CYLC2: variants seen among roughly 807,000 people sequenced by gnomAD.
CYLC2 encodes cylicin-2.
Under a neutral mutation model 26.1 loss-of-function variants are expected in CYLC2, and 30 were observed. That is an observed-to-expected ratio of 1.15 (90% CI 0.86 to 1.56). The LOEUF is 1.56. Ranked by LOEUF, CYLC2 falls within the 40% of genes most tolerant of loss-of-function variation. CYLC2 has a pLI of 0.00. For synonymous variants in CYLC2, 158 were observed against 132.8 expected (o/e 1.19, Z -1.31); for missense variants, 498 against 394.4 (o/e 1.26, Z -2.23).
intron 1 of CYLC2, among the ~76,000 whole-genome samples, chr9:102,997,033 C>T (rs917881680): frequency 3.3e-5 from 5 of 151,680 alleles, no homozygotes; most frequent in African/African-American, 9.7e-5. Context: ...TTCCCAATCT[C>T]GTATCTAATG....
At chr9:103,014,524 T>TGCCATATACATCATATGTATATTAC (rs1829468338) in intron 6 of CYLC2, among the ~76,000 whole-genome samples, 1 of 114,310 alleles carries the variant, frequency 8.7e-6, no homozygotes, top group Non-Finnish European at 1.8e-5. Flanking sequence ...ACATAATATA[T>TGCCATATACATCATATGTATATTAC]GCAATATACA....
Position 103,014,566 on chromosome 9 carries a change from G to A in CYLC2, c.*817-2322G>A, listed in dbSNP as rs1182734891. Among the ~76,000 whole-genome samples, 4 of 140,898 alleles carry A rather than the reference G, an allele frequency of 2.8e-5. 1 individual carries two copies. In the East Asian group the frequency reaches 7.0e-4, roughly 25 times the overall value. The allele number at this position is 140,898 out of a possible 152,430, so 92.4% of individuals were successfully genotyped here. The stretch of plus-strand genomic sequence containing the variant: ...GTATATTATGCAGTATACATCATAT[G>A]TATATTATGCAGTATACATCATATG... On this transcript the variant is annotated intron_variant, in intron 6 of 7. Transcript: ENST00000374798.
chr9:102,995,473 T>A (rs1237776633), intron 1 of CYLC2, 76 bp downstream of exon 1: 1 of 1,086,072 alleles, frequency 9.2e-7, no homozygotes. Flanking sequence ...TATGAAGAGA[T>A]ATTTATTATA....
rs1829330019 is a variant in CYLC2, at chr9:103,005,234, C to T, written c.603C>T (p.Asp201=). ...AAAAGGATTCAAACAAAGGCAAAGA[C>T]TCGGCAACAGAATCTGAAGGTGAAA... ...KDKKDSNKGK[D]SATESEGEKG... Residue 201 remains aspartate, a synonymous_variant, in exon 5 of 8, where the codon GAC becomes GAT. Coordinates refer to ENST00000374798, the MANE Select transcript of CYLC2 (RefSeq NM_001340.5). 6.2e-7 allele frequency: 1 copy of T among 1,612,074 alleles called. No homozygotes were observed. The highest frequency in any genetic ancestry group is 8.5e-7 in the Non-Finnish European group (1 of 1,179,588).
chr9:103,003,048 T>C, intron 2 of CYLC2, 94 bp from the exon 3 acceptor site: 2 of 1,347,206 alleles, frequency 1.5e-6, no homozygotes, highest in Non-Finnish European at 1.0e-6. Context: ...CACTTGTTTA[T>C]TCATTTACAT....
At chr9:102,995,873 T>C (rs1829232257) in intron 1 of CYLC2, among the ~76,000 whole-genome samples, 1 of 151,844 alleles carries the variant, frequency 6.6e-6, no homozygotes, top group African/African-American at 2.4e-5. Context: ...TGAATACTAG[T>C]GGTATCCCTC....
rs114981296 is a variant in CYLC2 at position 103,017,289 on chromosome 9, A to C, written c.*890+328A>C. On this transcript the variant is annotated intron_variant, in intron 7 of 7. Transcript: ENST00000374798. ...ACCCAACTTTCCCTAAATTCAAAAAATATTACAAAGTTGGAAAATATTAAA... is the reference window on the plus strand; with the variant it reads ...ACCCAACTTTCCCTAAATTCAAAAACTATTACAAAGTTGGAAAATATTAAA... Among the ~76,000 whole-genome samples the C allele has an allele frequency of 6.8e-3, 1,041 of 152,132 alleles. 12 individuals carry two copies. Among genetic ancestry groups the C allele is most frequent in the African/African-American group, 0.024 (983 of 41,548 alleles).
intron 1 of CYLC2, among the ~76,000 whole-genome samples, chr9:102,995,826 G>A (rs1401055247): frequency 1.3e-5 from 2 of 151,858 alleles, no homozygotes; most frequent in Non-Finnish European, 2.9e-5. Flanking sequence ...TTAACCTTTA[G>A]TAAAAAGTGG....
Position 103,005,429 on chromosome 9 carries a change from G to A in CYLC2, c.798G>A (p.Glu266=). 1 of 1,613,392 alleles carries A rather than the reference G, an allele frequency of 6.2e-7. No homozygotes were observed. Among genetic ancestry groups the A allele is most frequent in the Non-Finnish European group, 8.5e-7 (1 of 1,179,834 alleles). ...ESKDAKKDAK[E]IKKGKKDKKK... ...AGGATGCCAAGAAAGATGCAAAGGA[G>A]ATTAAAAAAGGTAAGAAAGATAAGA... The change falls in exon 5 of 8, where the codon GAG becomes GAA. Residue 266 remains glutamate (E), a synonymous_variant. Coordinates refer to ENST00000374798, the MANE Select transcript of CYLC2 (RefSeq NM_001340.5).
intron 7 of CYLC2, among the ~76,000 whole-genome samples, chr9:103,018,079 G>A (rs1215316623): frequency 1.3e-5 from 2 of 152,006 alleles, no homozygotes; most frequent in African/African-American, 4.8e-5. Flanking sequence ...GAAGGTATAT[G>A]AGATCAGTTT....
intron 6 of CYLC2, among the ~76,000 whole-genome samples, chr9:103,014,908 TA>T (rs1829479070): frequency 7.2e-6 from 1 of 139,306 alleles, no homozygotes; most frequent in South Asian, 2.4e-4. Context: ...ATAATATATG[TA>T]ATATACATAA....
At chr9:103,007,555 ACT>A (rs1829364747) in intron 5 of CYLC2, among the ~76,000 whole-genome samples, 1 of 152,132 alleles carries the variant, frequency 6.6e-6, no homozygotes, top group Non-Finnish European at 1.5e-5. Context: ...AAACAGTAAA[ACT>A]CTGTATTAAA....
In CYLC2 at chr9:103,014,149, A is replaced by C. The variant is rs1184062173; in HGVS notation, c.*816+2052A>C. 5.6e-4 allele frequency among the ~76,000 whole-genome samples: 68 copies of C among 122,024 alleles called. 2 individuals carry two copies. The highest frequency in any genetic ancestry group is 1.3e-4 in the Non-Finnish European group (8 of 63,494). The allele number at this position is 122,024 out of a possible 152,430, so 80.1% of individuals were successfully genotyped here. A position where few individuals can be genotyped will look rare whatever the true frequency, so the allele number is the denominator to read the frequency against. ...TATATTATAATATATTAAATATATT[A>C]TTTAATATATAATATGAATATTATA... is the stretch of plus-strand genomic sequence containing the variant. On this transcript the variant is annotated intron_variant, in intron 6 of 7. Transcript: ENST00000374798.
At chr9:103,014,780 GCAA>G (rs1829475978) in intron 6 of CYLC2, among the ~76,000 whole-genome samples, 1 of 42,398 alleles carries the variant, frequency 2.4e-5, no homozygotes, top group Non-Finnish European at 4.1e-5. Flanking sequence ...TGTATATTAT[GCAA>G]TATACATATG....
chr9:103,000,654 C>T (rs115129672), intron 1 of CYLC2, among the ~76,000 whole-genome samples: 1,703 of 152,164 alleles, frequency 0.011, 32 homozygotes, highest in African/African-American at 0.039. Context: ...TTTTATGCTG[C>T]TAGCTTCATT....
intron 5 of CYLC2, among the ~76,000 whole-genome samples, chr9:103,010,389 T>C (rs1412522878): frequency 6.6e-6 from 1 of 152,154 alleles, no homozygotes; most frequent in Non-Finnish European, 1.5e-5. Flanking sequence ...ATTTATTTAC[T>C]ACTATTTGCT....
In CYLC2 at chr9:103,018,463, T is replaced by C. The variant is rs1829530108; in HGVS notation, c.*1029T>C. The C allele has an allele frequency of 6.6e-6, 1 of 152,040 alleles. No individual in the cohort carries two copies. Among genetic ancestry groups the C allele is most frequent in the Non-Finnish European group, 1.5e-5 (1 of 67,994 alleles). 9.4% of individuals were successfully genotyped at this position (152,040 alleles called of 1,614,324 possible). ...ACACATTAAACACCTGGTGAAATTA[T>C]CAATTAAAAACATCTAGTCACCATA... On this transcript the variant is annotated 3_prime_UTR_variant, in exon 8 of 8. Transcript: ENST00000374798.
At position 102,995,356 on chromosome 9, in the gene CYLC2, T is replaced by A. The variant is rs186823209; in HGVS notation, c.-25T>A. The A allele has an allele frequency of 1.9e-3, 2,961 of 1,595,124 alleles. 60 individuals carry two copies. In the Admixed American group the frequency reaches 0.041, roughly 22 times the overall value. On this transcript the variant is annotated 5_prime_UTR_variant, in exon 1 of 8. Transcript: ENST00000374798. ...CCAGTTTGAACTTACAATACTTAAG[T>A]CCTGGCAAGTCATAAGTGGGGAAAA...
chr9:103,001,498 G>T (rs1429716786), intron 1 of CYLC2, 80 bp from the exon 2 acceptor site: 40 of 780,074 alleles, frequency 5.1e-5, no homozygotes, highest in Non-Finnish European at 7.3e-5. Flanking sequence ...TTGGTTGCAG[G>T]TACTGGAGTA....
Sources: gnomAD v4.1 joint callset for allele counts (sites outside exome capture counted in the v4.1 genomes callset) on GRCh38, gnomAD v4.1.1 for gene constraint, MANE v1.5 for transcripts, NCBI Gene and HGNC (gene_info 2026-07-23, HGNC 2026-07-21) for gene names.